The following CZIB variants were observed in gnomAD, a reference collection of about 807,000 sequenced individuals.
The protein encoded by CZIB is CXXC motif containing zinc binding protein, also known as UPF0587 protein C1orf123.
In CZIB, 26 loss-of-function variants were observed where a neutral mutation model predicts 28.3. That is an observed-to-expected ratio of 0.92 (90% CI 0.67 to 1.27). The LOEUF (loss-of-function observed/expected upper bound fraction) is 1.27, where lower values mean the gene tolerates loss of function less well. CZIB is among the 50% of genes most tolerant of loss of function. The pLI, the probability that CZIB is intolerant of heterozygous loss-of-function variation, is 0.00. For synonymous variants in CZIB, 78 were observed against 71.1 expected (o/e 1.10, Z -0.49); for missense variants, 179 against 197.3 (o/e 0.91, Z 0.56).
Position 53,220,300 on chromosome 1 carries a change from G to A in CZIB, c.51C>T (p.Asn17=), listed in dbSNP as rs1321086050. 2 of 1,613,474 alleles carry A rather than the reference G, an allele frequency of 1.2e-6. No individual in the cohort carries two copies. Among genetic ancestry groups the A allele is most frequent in the East Asian group, 2.2e-5 (1 of 44,878 alleles). Residue 17 remains asparagine (N), a synonymous_variant, in exon 2 of 8, where the codon AAC becomes AAT. Transcript: ENST00000294360. ...QLKATLENIT[N]LRPVGEDFRW... is the part of the protein sequence containing the mutation. The stretch of plus-strand genomic sequence containing the variant: ...GGAAGTCCTCGCCCACGGGCCGGAG[G>A]TTGGTGATGTTCTCCAGCGTGGCTT...
chr1:53,218,272 T>C, intron 4 of CZIB, 69 bp from the exon 5 acceptor site: 2 of 1,593,694 alleles, frequency 1.3e-6, no homozygotes, highest in Non-Finnish European at 1.7e-6. Context: ...TGCCCACATG[T>C]GGCCCTGAAA....
intron 1 of CZIB, 64 bp from the exon 2 acceptor site, chr1:53,220,408 C>T (rs1645515298): frequency 1.3e-6 from 2 of 1,588,288 alleles, no homozygotes; most frequent in African/African-American, 1.3e-5. Context: ...CTGCCCGACC[C>T]TCCCGCATTC....
intron 6 of CZIB, among the ~76,000 whole-genome samples, chr1:53,216,576 G>A (rs2100285397): frequency 1.3e-5 from 2 of 152,302 alleles, no homozygotes; most frequent in South Asian, 4.1e-4. Flanking sequence ...TAAATTCATA[G>A]GGTTACCATA....
Position 53,216,070 on chromosome 1 carries a change from G to C in CZIB, c.340-14C>G. On this transcript the variant is annotated splice_polypyrimidine_tract_variant and intron_variant, in intron 6 of 7. Coordinates refer to ENST00000294360, the MANE Select transcript of CZIB (RefSeq NM_017887.3). ...AGCAAACCCAGCCTGCAGGGCACAAGAAGGTACCAGTTAGTCTTGGCAAAA... is the reference window on the plus strand; with the variant it reads ...AGCAAACCCAGCCTGCAGGGCACAACAAGGTACCAGTTAGTCTTGGCAAAA... 6.2e-7 allele frequency: 1 copy of C among 1,613,992 alleles called. No homozygotes were observed. Among genetic ancestry groups the C allele is most frequent in the Non-Finnish European group, 8.5e-7 (1 of 1,179,876 alleles).
Position 53,220,473 on chromosome 1 carries a change from G to A in CZIB, c.6+97C>T, listed in dbSNP as rs372263227. The A allele has an allele frequency of 2.6e-5, 41 of 1,579,974 alleles. No homozygotes were observed. In the South Asian group the frequency reaches 3.5e-4, roughly 14 times the overall value. On this transcript the variant is annotated intron_variant, in intron 1 of 7. Transcript: ENST00000294360. The stretch of plus-strand genomic sequence containing the variant: ...CTTCTGCCTCCTGCTCCTTCAGCGC[G>A]CACCCACTCGCTTCATCTCCTCCTG...
rs1413210329 is a variant in CZIB, at chr1:53,214,478, C to T, written c.*181G>A. 7 of 583,496 alleles carry T rather than the reference C, an allele frequency of 1.2e-5. No individual in the cohort carries two copies. The highest frequency in any genetic ancestry group is 2.1e-5 in the Non-Finnish European group (7 of 327,000). 36.1% of individuals were successfully genotyped at this position (583,496 alleles called of 1,614,324 possible). ...ACTTCACCTTCATGCACCAGTGCAG[C>T]GTGAACAGGGGCTTTATTGATGGGG... On this transcript the variant is annotated 3_prime_UTR_variant, in exon 8 of 8. Transcript: ENST00000294360.
At chr1:53,219,139 T>C in intron 2 of CZIB, 1 of 569,368 alleles carries the variant, frequency 1.8e-6, no homozygotes, top group Non-Finnish European at 3.1e-6. Context: ...CCCACCCTCC[T>C]CTATGAAGTG....
chr1:53,220,554 G>A lies in CZIB; in HGVS notation c.6+16C>T. 4 of 1,599,460 alleles carry A rather than the reference G, an allele frequency of 2.5e-6. No individual in the cohort carries two copies. The highest frequency in any genetic ancestry group is 3.4e-6 in the Non-Finnish European group (4 of 1,179,630). Reference sequence around the variant, plus strand: ...ACCTCCCCTCCGTGTCCCCGCGGCGGGCGGCCTCCCCTCACCCCCATGGTA... The same window carrying A: ...ACCTCCCCTCCGTGTCCCCGCGGCGAGCGGCCTCCCCTCACCCCCATGGTA... On this transcript the variant is annotated intron_variant, in intron 1 of 7. Coordinates refer to ENST00000294360, the MANE Select transcript of CZIB (RefSeq NM_017887.3).
At chr1:53,214,984 CAA>C (rs1270118151) in intron 7 of CZIB, among the ~76,000 whole-genome samples, 1 of 151,906 alleles carries the variant, frequency 6.6e-6, no homozygotes, top group African/African-American at 2.4e-5. Context: ...AAAACAAAAA[CAA>C]AAAAAGGACA....
chr1:53,214,830 T>G (rs1645459534), intron 7 of CZIB, 94 bp from the exon 8 acceptor site: 1 of 965,400 alleles, frequency 1.0e-6, no homozygotes, highest in African/African-American at 1.6e-5. Context: ...GCTCAGGCTC[T>G]GACTCAAATA....
chr1:53,216,314 T>G (rs553016462), intron 6 of CZIB, among the ~76,000 whole-genome samples: 2 of 152,358 alleles, frequency 1.3e-5, no homozygotes, highest in Admixed American at 1.3e-4. Flanking sequence ...TAGCCCTGGT[T>G]TGCTGAAGGC....
At position 53,220,609 on chromosome 1, in the gene CZIB, C is replaced by G. The variant is rs375157812; in HGVS notation, c.-34G>C. 2 of 1,592,332 alleles carry G rather than the reference C, an allele frequency of 1.3e-6. No individual in the cohort carries two copies. The highest frequency in any genetic ancestry group is 1.7e-6 in the Non-Finnish European group (2 of 1,176,292). On this transcript the variant is annotated 5_prime_UTR_variant, in exon 1 of 8. Transcript: ENST00000294360. ...TCTCCGCCCGGTGCTGGCTGCGGCC[C>G]TTGCCGTTGCTTTCCGGCGCGTCGT...
chr1:53,217,127 C>G (rs1645479734), intron 5 of CZIB: 2 of 393,878 alleles, frequency 5.1e-6, no homozygotes, highest in South Asian at 7.4e-5. Flanking sequence ...CCTATCTTCC[C>G]CTCTGGGCCC....
chr1:53,217,005 A>G, intron 5 of CZIB, 146 bp from the exon 6 acceptor site: 1 of 677,792 alleles, frequency 1.5e-6, no homozygotes, highest in Non-Finnish European at 2.6e-6. Context: ...TCTTAGAGGA[A>G]GCCTGCCTTG....
intron 6 of CZIB, among the ~76,000 whole-genome samples, chr1:53,216,336 T>C (rs1452106202): frequency 6.6e-6 from 1 of 152,216 alleles, no homozygotes; most frequent in Non-Finnish European, 1.5e-5. Context: ...CCTGGGCATG[T>C]CATTTCCCAG....
Position 53,216,839 on chromosome 1 carries a change from G to C in CZIB, c.282C>G (p.Phe94Leu), listed in dbSNP as rs1645477403. The change falls in exon 6 of 8, where the codon TTC becomes TTG. Residue 94 changes from phenylalanine to leucine, a missense_variant. By Grantham distance (22) the Phe-to-Leu change is conservative. Coordinates refer to ENST00000294360, the MANE Select transcript of CZIB (RefSeq NM_017887.3). ...GGCACTCAAACTCCACTATTGTCTT[G>C]AAGTTCTCATTGTCTTCAGCCTAGA... ...KPYNAEDNENFKTIVEFECRG... is the reference protein window; with the variant it reads ...KPYNAEDNENLKTIVEFECRG... 4 of 1,614,174 alleles carry C rather than the reference G, an allele frequency of 2.5e-6. No individual in the cohort carries two copies. Among genetic ancestry groups the C allele is most frequent in the Non-Finnish European group, 3.4e-6 (4 of 1,179,986 alleles).
chr1:53,219,132 A>G (rs1486068859), intron 2 of CZIB: 4 of 582,108 alleles, frequency 6.9e-6, no homozygotes, highest in Non-Finnish European at 1.2e-5. Flanking sequence ...CGGCGTGCCC[A>G]CCCTCCTCTA....
rs1454662041 is a variant in CZIB, at chr1:53,215,993, TCTC to T, written c.400_402del (p.Glu134del). On this transcript the variant is annotated inframe_deletion, in exon 7 of 8. Transcript: ENST00000294360. ...CCCAAAGCCCCCAAGTCTCATACCT[TCTC>T]CTGCAGATTAATGTCACTGAAGGCT... is the stretch of plus-strand genomic sequence containing the variant. 1.9e-6 allele frequency: 3 copies of T among 1,613,940 alleles called. No homozygotes were observed. The highest frequency in any genetic ancestry group is 2.2e-5 in the South Asian group (2 of 91,072).
chr1:53,215,687 T>C (rs1003450416), intron 7 of CZIB, among the ~76,000 whole-genome samples: 4 of 152,188 alleles, frequency 2.6e-5, no homozygotes, highest in Non-Finnish European at 5.9e-5. Flanking sequence ...TGTGTTTCTG[T>C]TTAAAGATAA....
Sources: gnomAD v4.1 joint callset for allele counts (sites outside exome capture counted in the v4.1 genomes callset) on GRCh38, gnomAD v4.1.1 for gene constraint, MANE v1.5 for transcripts, NCBI Gene and HGNC (gene_info 2026-07-23, HGNC 2026-07-21) for gene names.